Variants in PRKCH observed in about 807,000 individuals in gnomAD.
The protein encoded by PRKCH is protein kinase C eta type.
In PRKCH, 28 loss-of-function variants were observed where a neutral mutation model predicts 82.5. The ratio of observed to expected loss-of-function variants is 0.34; its 90% CI spans 0.25 to 0.47. The LOEUF (loss-of-function observed/expected upper bound fraction) is 0.47. Among genes scored for constraint, PRKCH ranks in the 20% least tolerant of loss-of-function variants. The pLI, the probability that PRKCH is intolerant of heterozygous loss-of-function variation, is 1.00. For missense variants in PRKCH, 705 were observed against 881.8 expected (o/e 0.80, Z 2.54); for synonymous variants, 322 against 327.4 (o/e 0.98, Z 0.18).
At chr14:61,249,198 C>T (rs2044916792) in intron 1 of PRKCH, among the ~76,000 whole-genome samples, 1 of 152,128 alleles carries the variant, frequency 6.6e-6, no homozygotes. Context: ...TCTAGATAAA[C>T]CACTTATAAA....
chr14:61,475,145 T>C (rs893330520), intron 9 of PRKCH, among the ~76,000 whole-genome samples: 2 of 152,208 alleles, frequency 1.3e-5, no homozygotes, highest in East Asian at 1.9e-4. Flanking sequence ...TCTAAATAAA[T>C]GAAATGGTAT....
At position 61,272,340 on chromosome 14, in the gene PRKCH, C is replaced by CTTTTTTTTTTT. The variant is rs1335053986; in HGVS notation, c.-19+84675_-19+84676insTTTTTTTTTTT. Among the ~76,000 whole-genome samples the CTTTTTTTTTTT allele has an allele frequency of 4.7e-4, 46 of 97,818 alleles. 5 individuals are homozygous for CTTTTTTTTTTT. The highest frequency in any genetic ancestry group is 5.5e-4 in the Non-Finnish European group (29 of 52,824). The allele number at this position is 97,818 out of a possible 152,430, so 64.2% of individuals were successfully genotyped here. A position where few individuals can be genotyped will look rare whatever the true frequency, so the allele number is the denominator to read the frequency against. ...TAGATTTCTTTTTCTTTTCTTTTTT[C>CTTTTTTTTTTT]TTTCTTTTTTTTTTTTTTTTTTTTT... On this transcript the variant is annotated intron_variant, in intron 1 of 3. Transcript: ENST00000555185.
chr14:61,340,422 T>C (rs1272057836), intron 1 of PRKCH, among the ~76,000 whole-genome samples: 1 of 152,044 alleles, frequency 6.6e-6, no homozygotes, highest in Non-Finnish European at 1.5e-5. Flanking sequence ...TGTCTTTACC[T>C]TCTTTTCTTT....
intron 2 of PRKCH, among the ~76,000 whole-genome samples, chr14:61,430,076 G>A (rs1213106690): frequency 6.6e-6 from 1 of 152,084 alleles, no homozygotes; most frequent in African/African-American, 2.4e-5. Context: ...TTTCTTAATA[G>A]GAAAAACAGT....
chr14:61,521,658 C>T (rs955475992), intron 10 of PRKCH, among the ~76,000 whole-genome samples: 2 of 151,974 alleles, frequency 1.3e-5, no homozygotes, highest in African/African-American at 4.8e-5. Flanking sequence ...GCCTTGACCT[C>T]CCAGGCTCAA....
chr14:61,222,377 A>ATTT (rs2044662647), intron 1 of PRKCH, among the ~76,000 whole-genome samples: 1 of 135,532 alleles, frequency 7.4e-6, no homozygotes. Context: ...TCAGAGAAGC[A>ATTT]TTTTTATTGG....
chr14:61,346,135 C>A (rs2045989377), intron 1 of PRKCH, among the ~76,000 whole-genome samples: 1 of 152,140 alleles, frequency 6.6e-6, no homozygotes, highest in Non-Finnish European at 1.5e-5. Context: ...CAGCAGATGA[C>A]AGCTCCCCAA....
intron 1 of PRKCH, among the ~76,000 whole-genome samples, chr14:61,243,962 A>T (rs961659119): frequency 4.0e-5 from 6 of 151,120 alleles, no homozygotes; most frequent in Non-Finnish European, 7.4e-5. Flanking sequence ...AAAAAAAAAA[A>T]ATACAGCAAC....
At chr14:61,263,812 G>T (rs2045071037) in intron 1 of PRKCH, among the ~76,000 whole-genome samples, 1 of 150,890 alleles carries the variant, frequency 6.6e-6, no homozygotes, top group Non-Finnish European at 1.5e-5. Context: ...ATACGAGCAG[G>T]TAATGTCTAA....
chr14:61,520,542 C>A (rs2139992302), intron 10 of PRKCH, among the ~76,000 whole-genome samples: 1 of 152,086 alleles, frequency 6.6e-6, no homozygotes, highest in South Asian at 2.1e-4. Context: ...ATATGAGCTT[C>A]TTAAAAAAAT....
At chr14:61,320,816 G>A (rs974362402), upstream of PRKCH, among the ~76,000 whole-genome samples, 10 of 152,206 alleles carry the variant, frequency 6.6e-5, no homozygotes, top group African/African-American at 1.7e-4. Context: ...CCTAGAAGAG[G>A]CAATTTCTTC....
chr14:61,510,085 G>C (rs2139970798), intron 10 of PRKCH, among the ~76,000 whole-genome samples: 1 of 152,248 alleles, frequency 6.6e-6, no homozygotes, highest in Non-Finnish European at 1.5e-5. Context: ...AGGCAGAAAA[G>C]CGTCCTGTGC....
chr14:61,247,918 A>C (rs2044902351), intron 1 of PRKCH, among the ~76,000 whole-genome samples: 1 of 152,128 alleles, frequency 6.6e-6, no homozygotes, highest in South Asian at 2.1e-4. Context: ...GCTGACCTCC[A>C]TGTCCCCATG....
intron 1 of PRKCH, among the ~76,000 whole-genome samples, chr14:61,225,755 AACAG>A (rs1211907888): frequency 2.3e-5 from 3 of 130,860 alleles, no homozygotes; most frequent in Non-Finnish European, 4.9e-5. Flanking sequence ...TTTTTTTTTT[AACAG>A]ACAGGGTCTT....
chr14:61,444,208 G>A (rs753637901), intron 3 of PRKCH, among the ~76,000 whole-genome samples: 2 of 152,174 alleles, frequency 1.3e-5, no homozygotes, highest in Non-Finnish European at 1.5e-5. Context: ...TAAACCAGCT[G>A]TAGATATGAA....
At chr14:61,271,859 T>C (rs554921482) in intron 1 of PRKCH, among the ~76,000 whole-genome samples, 2 of 152,356 alleles carry the variant, frequency 1.3e-5, no homozygotes, top group East Asian at 3.9e-4. Context: ...TGCATAACAC[T>C]GGACCACTTT....
At position 61,216,967 on chromosome 14, in the gene PRKCH, G is replaced by A. The variant is rs112596548; in HGVS notation, c.-19+29299G>A. Among the ~76,000 whole-genome samples, 608 of 152,274 alleles carry A rather than the reference G, an allele frequency of 4.0e-3. 2 individuals are homozygous for A. Among genetic ancestry groups the A allele is most frequent in the Non-Finnish European group, 6.9e-3 (470 of 68,014 alleles). ...GTGTCTTTCTGGAACTCTTTCTGGA[G>A]CCCTTGATCTATACCTTAATCTGGA... On this transcript the variant is annotated intron_variant, in intron 1 of 3. Transcript: ENST00000555185.
chr14:61,416,053 C>CT (rs71117815), intron 2 of PRKCH, among the ~76,000 whole-genome samples: 6,525 of 94,066 alleles, frequency 0.069, 785 homozygotes, highest in African/African-American at 0.21. Context: ...CTTTTCTTTT[C>CT]TTTTTTTTTT....
chr14:61,334,257 C>T (rs935427596), intron 1 of PRKCH, among the ~76,000 whole-genome samples: 1 of 152,130 alleles, frequency 6.6e-6, no homozygotes, highest in Non-Finnish European at 1.5e-5. Context: ...GCAGAGAACG[C>T]AAGACCCAGC....
Sources: allele counts gnomAD v4.1 joint callset (sites outside exome capture counted in the v4.1 genomes callset), GRCh38; gene constraint gnomAD v4.1.1; transcripts MANE v1.5; gene names NCBI Gene and HGNC (gene_info 2026-07-23, HGNC 2026-07-21).